The following CPVL variants were observed in gnomAD, a reference collection of about 807,000 sequenced individuals.
The protein encoded by CPVL is probable serine carboxypeptidase CPVL.
CPVL carries 51 observed loss-of-function variants against 63.7 expected under a neutral mutation model. The observed-to-expected ratio is 0.80, with a 90% CI of 0.64 to 1.01. The LOEUF is 1.01. CPVL is among the 50% of genes least tolerant of loss of function. The probability of loss-of-function intolerance (pLI) is 0.00; values close to 1 mark genes in which losing one functional copy is unlikely to be tolerated. For synonymous variants in CPVL, 195 were observed against 206.0 expected (o/e 0.95, Z 0.46); for missense variants, 530 against 573.1 (o/e 0.92, Z 0.77).
chr7:29,006,173 T>C (rs1785176246), intron 12 of CPVL, among the ~76,000 whole-genome samples: 1 of 152,186 alleles, frequency 6.6e-6, no homozygotes, highest in Non-Finnish European at 1.5e-5. Flanking sequence ...TGTTTAGTGG[T>C]GTGAAGTTGG....
At chr7:29,026,685 G>A (rs559233160) in intron 12 of CPVL, among the ~76,000 whole-genome samples, 47 of 152,088 alleles carry the variant, frequency 3.1e-4, no homozygotes, top group Non-Finnish European at 4.7e-4. Context: ...ACACAAATAC[G>A]AAGGATCATC....
At chr7:29,064,288 G>A in intron 10 of CPVL, 54 bp from the exon 11 acceptor site, 1 of 1,141,296 alleles carries the variant, frequency 8.8e-7, no homozygotes, top group Non-Finnish European at 1.3e-6. Flanking sequence ...GGCAGGAACA[G>A]TATGTTGGGA....
intron 6 of CPVL, among the ~76,000 whole-genome samples, chr7:29,088,576 T>C (rs1012377381): frequency 4.6e-5 from 7 of 152,218 alleles, no homozygotes; most frequent in African/African-American, 1.4e-4. Flanking sequence ...TTTGCTCATT[T>C]AACTGTATTT....
chr7:29,127,170 G>C (rs988958288), intron 1 of CPVL, among the ~76,000 whole-genome samples: 2 of 152,178 alleles, frequency 1.3e-5, no homozygotes, highest in Admixed American at 1.3e-4. Flanking sequence ...CCACAGTCTA[G>C]AGCTTTTCCT....
At chr7:29,048,821 G>A (rs1789875973) in intron 11 of CPVL, among the ~76,000 whole-genome samples, 1 of 152,044 alleles carries the variant, frequency 6.6e-6, no homozygotes, top group South Asian at 2.1e-4. Flanking sequence ...ATTATATCAA[G>A]CACTCTCTCA....
In CPVL at chr7:29,146,412, G is replaced by A. The variant is rs1792650036; in HGVS notation, c.-11+17C>T. 6.0e-6 allele frequency: 6 copies of A among 997,524 alleles called. No individual in the cohort carries two copies. The African/African-American group carries it at 6.5e-5, about 11-fold the overall frequency. The allele number at this position is 997,524 out of a possible 1,614,324, so 61.8% of individuals were successfully genotyped here. Reference sequence around the variant, plus strand: ...CCGCTGAGCTGGCACGACCCACGCAGGGCAGGCGGCACTTACGCGGCGCAG... The same window carrying A: ...CCGCTGAGCTGGCACGACCCACGCAAGGCAGGCGGCACTTACGCGGCGCAG... On this transcript the variant is annotated intron_variant, in intron 1 of 12. Coordinates refer to ENST00000265394, the MANE Select transcript of CPVL (RefSeq NM_031311.5).
chr7:29,157,395 A>G (rs73688308), intron 5 of CPVL, among the ~76,000 whole-genome samples: 57 of 152,176 alleles, frequency 3.7e-4, no homozygotes, highest in African/African-American at 1.3e-3. Context: ...GCTATCCATT[A>G]TTCCTCTATA....
chr7:29,092,172 C>A (rs930140570), intron 6 of CPVL, among the ~76,000 whole-genome samples: 5 of 134,168 alleles, frequency 3.7e-5, no homozygotes, highest in African/African-American at 1.3e-4. Context: ...TACAACTTTA[C>A]ATTTTTCCTT....
At chr7:29,169,438 G>A (rs1243777657) in intron 5 of CPVL, among the ~76,000 whole-genome samples, 1 of 151,834 alleles carries the variant, frequency 6.6e-6, no homozygotes, top group Non-Finnish European at 1.5e-5. Flanking sequence ...TTAGTGATTT[G>A]TCCTATTTTG....
chr7:29,076,768 A>G (rs1232397475), intron 7 of CPVL, among the ~76,000 whole-genome samples: 1 of 152,234 alleles, frequency 6.6e-6, no homozygotes, highest in Non-Finnish European at 1.5e-5. Flanking sequence ...TAAAGAGGCT[A>G]TAAACTTCCA....
At chr7:29,026,246 A>G (rs924716969) in intron 12 of CPVL, among the ~76,000 whole-genome samples, 5 of 152,174 alleles carry the variant, frequency 3.3e-5, no homozygotes, top group African/African-American at 1.2e-4. Flanking sequence ...AATCAAGAAG[A>G]AAATTTAAAC....
intron 1 of CPVL, among the ~76,000 whole-genome samples, chr7:29,134,744 A>G (rs559713230): frequency 1.3e-5 from 2 of 152,270 alleles, no homozygotes; most frequent in Admixed American, 1.3e-4. Flanking sequence ...AAGATAAGGA[A>G]ATTAGAAGAT....
chr7:29,022,101 C>G (rs926623557), intron 12 of CPVL, among the ~76,000 whole-genome samples: 7 of 152,172 alleles, frequency 4.6e-5, no homozygotes, highest in African/African-American at 1.4e-4. Context: ...TCCTTACCCC[C>G]CAGCAGCAGG....
chr7:29,080,806 T>C (rs1394130849), intron 7 of CPVL, among the ~76,000 whole-genome samples: 1 of 152,180 alleles, frequency 6.6e-6, no homozygotes, highest in Non-Finnish European at 1.5e-5. Flanking sequence ...CCCATGCAGA[T>C]GAAGATAAAG....
At chr7:29,011,049 A>C (rs1270719166) in intron 12 of CPVL, 2 of 152,226 alleles carry the variant, frequency 1.3e-5, no homozygotes, top group African/African-American at 4.8e-5. Flanking sequence ...AAGTAGTTAG[A>C]ATTGCCAGTG....
chr7:29,184,245 C>T (rs535930321), intron 4 of CPVL, among the ~76,000 whole-genome samples: 1 of 150,166 alleles, frequency 6.7e-6, no homozygotes, highest in South Asian at 2.1e-4. Flanking sequence ...TATACATATA[C>T]AATCTATATA....
chr7:29,146,535 C>G lies in CPVL; in HGVS notation c.-117G>C. The G allele has an allele frequency of 6.6e-7, 1 of 1,507,782 alleles. No individual in the cohort carries two copies. The highest frequency in any genetic ancestry group is 8.9e-7 in the Non-Finnish European group (1 of 1,129,318). 93.4% of individuals were successfully genotyped at this position (1,507,782 alleles called of 1,614,324 possible). A position where few individuals can be genotyped will look rare whatever the true frequency, so the allele number is the denominator to read the frequency against. ...CAGAAGTGAGGCAGCCCCACCCAGT[C>G]ACGAGGACCCTGCAGAACTCGAGCC... On this transcript the variant is annotated 5_prime_UTR_variant, in exon 1 of 13. Coordinates refer to ENST00000265394, the MANE Select transcript of CPVL (RefSeq NM_031311.5).
intron 12 of CPVL, among the ~76,000 whole-genome samples, chr7:29,015,041 T>C (rs1786262562): frequency 6.6e-6 from 1 of 152,262 alleles, no homozygotes; most frequent in Admixed American, 6.5e-5. Flanking sequence ...AGAGTCATTC[T>C]TTCCTCCACA....
intron 5 of CPVL, among the ~76,000 whole-genome samples, chr7:29,157,113 A>G (rs1459682504): frequency 6.6e-6 from 1 of 152,122 alleles, no homozygotes; most frequent in Non-Finnish European, 1.5e-5. Flanking sequence ...TGATTGCTGA[A>G]TTTTATCCCT....
Sources: gnomAD v4.1 joint callset for allele counts (sites outside exome capture counted in the v4.1 genomes callset) on GRCh38, gnomAD v4.1.1 for gene constraint, MANE v1.5 for transcripts, NCBI Gene and HGNC (gene_info 2026-07-23, HGNC 2026-07-21) for gene names.